PLCE1: variants seen among roughly 807,000 people sequenced by gnomAD.
PLCE1 encodes phospholipase C epsilon 1.
A neutral mutation model predicts 242.8 loss-of-function variants in PLCE1; 119 were observed. That is an observed-to-expected ratio of 0.49 (90% CI 0.42 to 0.57). PLCE1 has a LOEUF of 0.57. Among genes scored for constraint, PLCE1 ranks in the 20% least tolerant of loss-of-function variants. PLCE1 has a pLI of 0.00. For synonymous variants in PLCE1, 945 were observed against 1,017.4 expected, an observed-to-expected ratio of 0.93 and a Z score of 1.35; for missense variants, 2,441 against 2,788.8, an observed-to-expected ratio of 0.88 and a Z score of 2.81.
intron 7 of PLCE1, among the ~76,000 whole-genome samples, chr10:94,244,759 A>G (rs1322299480): frequency 6.6e-6 from 1 of 151,990 alleles, no homozygotes; most frequent in Non-Finnish European, 1.5e-5. Flanking sequence ...CTGGAGTTCA[A>G]CGATGCCATC....
intron 8 of PLCE1, 53 bp from the exon 9 acceptor site, chr10:94,252,263 C>T: frequency 4.0e-6 from 6 of 1,513,722 alleles, no homozygotes; most frequent in Admixed American, 1.7e-5. Flanking sequence ...AATATATTTA[C>T]TTCCCCATTG....
intron 4 of PLCE1, among the ~76,000 whole-genome samples, chr10:94,185,987 C>T (rs2048465308): frequency 1.3e-5 from 2 of 152,244 alleles, no homozygotes; most frequent in Admixed American, 6.5e-5. Context: ...TCCATTTCAA[C>T]AAACTCATTG....
At chr10:94,102,248 T>C (rs1176614866) in intron 2 of PLCE1, among the ~76,000 whole-genome samples, 1 of 152,152 alleles carries the variant, frequency 6.6e-6, no homozygotes, top group Non-Finnish European at 1.5e-5. Flanking sequence ...CATATTCCAG[T>C]GAGCTTCAGA....
At chr10:94,124,127 C>T (rs927672980) in intron 2 of PLCE1, among the ~76,000 whole-genome samples, 4 of 152,092 alleles carry the variant, frequency 2.6e-5, no homozygotes, top group African/African-American at 7.2e-5. Context: ...AGGGTAAAAT[C>T]CCAGCACGCT....
intron 4 of PLCE1, among the ~76,000 whole-genome samples, chr10:94,198,774 T>G (rs1449470396): frequency 6.6e-6 from 1 of 152,160 alleles, no homozygotes; most frequent in Non-Finnish European, 1.5e-5. Context: ...CAGCCAGGCA[T>G]GGTGATGCAC....
intron 28 of PLCE1, chr10:94,315,152 G>T: frequency 3.3e-6 from 1 of 298,894 alleles, no homozygotes; most frequent in Non-Finnish European, 6.6e-6. Context: ...ATTTGCCTTG[G>T]CCCCCTTTTG....
chr10:94,248,086 T>A (rs1174129870), intron 8 of PLCE1, among the ~76,000 whole-genome samples: 3 of 152,226 alleles, frequency 2.0e-5, no homozygotes, highest in Non-Finnish European at 4.4e-5. Context: ...TTCTAATACA[T>A]TTCTGACAAT....
At chr10:94,302,486 G>T (rs377237250) in intron 24 of PLCE1, among the ~76,000 whole-genome samples, 159 of 151,708 alleles carry the variant, frequency 1.0e-3, no homozygotes, top group African/African-American at 3.2e-3. Context: ...GGTAGACACG[G>T]TGCTACTGAA....
intron 3 of PLCE1, among the ~76,000 whole-genome samples, chr10:94,161,942 A>G (rs2047629688): frequency 6.6e-6 from 1 of 152,162 alleles, no homozygotes; most frequent in Admixed American, 6.5e-5. Context: ...GGTTCTGTTT[A>G]TATGCTGGAT....
Position 94,110,803 on chromosome 10 carries a change from C to A in PLCE1, c.1207-21371C>A, listed in dbSNP as rs1027412300. The stretch of plus-strand genomic sequence containing the variant: ...ATCATCCTTCTCTGTTGGTAATTTT[C>A]AGCTTGATTTGGTTTGTAGTGCTGC... On this transcript the variant is annotated intron_variant, in intron 2 of 32. Coordinates refer to ENST00000371380, the MANE Select transcript of PLCE1 (RefSeq NM_016341.4). Among the ~76,000 whole-genome samples the A allele has an allele frequency of 2.0e-5, 3 of 152,152 alleles. No homozygotes were observed. The East Asian group carries it at 5.8e-4, about 29-fold the overall frequency.
chr10:94,268,851 A>G, intron 16 of PLCE1, 78 bp from the exon 17 acceptor site: 1 of 807,726 alleles, frequency 1.2e-6, no homozygotes, highest in Non-Finnish European at 2.2e-6. Flanking sequence ...CCTGATATGT[A>G]GAACTACATG....
At chr10:94,096,960 C>G (rs1564684212) in intron 2 of PLCE1, 2 of 152,174 alleles carry the variant, frequency 1.3e-5, no homozygotes, top group African/African-American at 2.4e-5. Context: ...ACTTTCTATA[C>G]TTAGGTAATA....
intron 3 of PLCE1, among the ~76,000 whole-genome samples, chr10:94,167,257 C>T (rs1157959545): frequency 6.6e-6 from 1 of 151,990 alleles, no homozygotes; most frequent in African/African-American, 2.4e-5. Flanking sequence ...GCCTGGATGA[C>T]ATAGCAAGAC....
At chr10:94,271,252 A>G (rs2051719916) in intron 18 of PLCE1, among the ~76,000 whole-genome samples, 1 of 151,640 alleles carries the variant, frequency 6.6e-6, no homozygotes, top group African/African-American at 2.4e-5. Context: ...TTGTATGTGG[A>G]AAAGCTGAAA....
At chr10:94,312,285 T>G (rs1564886461) in intron 27 of PLCE1, among the ~76,000 whole-genome samples, 1 of 152,198 alleles carries the variant, frequency 6.6e-6, no homozygotes, top group Non-Finnish European at 1.5e-5. Flanking sequence ...ACAATACACT[T>G]CAGCCCTCAG....
intron 13 of PLCE1, among the ~76,000 whole-genome samples, chr10:94,260,414 C>T (rs901687900): frequency 6.6e-6 from 1 of 152,126 alleles, no homozygotes; most frequent in Non-Finnish European, 1.5e-5. Flanking sequence ...TCTGTTCTTC[C>T]TGGAAACTAT....
intron 2 of PLCE1, chr10:94,089,310 C>G: frequency 6.2e-7 from 1 of 1,613,948 alleles, no homozygotes; most frequent in South Asian, 1.1e-5. Flanking sequence ...TCTTCCCGCT[C>G]TCTGAGGTAC....
intron 2 of PLCE1, among the ~76,000 whole-genome samples, chr10:94,063,766 G>T (rs996402886): frequency 6.6e-6 from 1 of 152,140 alleles, no homozygotes; most frequent in Admixed American, 6.5e-5. Context: ...GATTTTATGC[G>T]GCCTAACCTA....
chr10:94,254,373 T>G, intron 10 of PLCE1, 66 bp downstream of exon 10: 1 of 1,109,102 alleles, frequency 9.0e-7, no homozygotes, highest in Non-Finnish European at 1.4e-6. Flanking sequence ...AAGTATACAT[T>G]TGGTTTTAAA....
Sources: allele counts gnomAD v4.1 joint callset (sites outside exome capture counted in the v4.1 genomes callset), GRCh38; gene constraint gnomAD v4.1.1; transcripts MANE v1.5; gene names NCBI Gene and HGNC (gene_info 2026-07-23, HGNC 2026-07-21).